The following PHF14 variants were observed in gnomAD, a reference collection of about 807,000 sequenced individuals.
PHF14 encodes the protein PHD finger protein 14.
Under a neutral mutation model 117.9 loss-of-function variants are expected in PHF14, and 55 were observed. That is an observed-to-expected ratio of 0.47 (90% CI 0.38 to 0.58). PHF14 has a LOEUF of 0.58. Ranked by LOEUF, PHF14 falls within the 20% of genes least tolerant of loss-of-function variation. The pLI, the probability that PHF14 is intolerant of heterozygous loss-of-function variation, is 0.00. For synonymous variants in PHF14, 409 were observed against 368.6 expected (o/e 1.11, Z -1.26); for missense variants, 978 against 1,122.2 (o/e 0.87, Z 1.84).
At chr7:11,013,474 T>C (rs1783423189) in intron 4 of PHF14, among the ~76,000 whole-genome samples, 1 of 152,210 alleles carries the variant, frequency 6.6e-6, no homozygotes. Flanking sequence ...ATTTTTATAT[T>C]TTTTAAATTA....
intron 16 of PHF14, among the ~76,000 whole-genome samples, chr7:11,093,602 T>C (rs1786730044): frequency 1.3e-5 from 2 of 152,214 alleles, no homozygotes; most frequent in Non-Finnish European, 2.9e-5. Flanking sequence ...AGAAGCCCCA[T>C]TGCACTGTCT....
At chr7:11,001,980 G>GT (rs934062414) in intron 4 of PHF14, among the ~76,000 whole-genome samples, 5 of 151,372 alleles carry the variant, frequency 3.3e-5, no homozygotes, top group South Asian at 2.1e-4. Context: ...TTAGCTATAG[G>GT]TTTTTTTTGT....
chr7:10,981,177 C>T (rs759355188), intron 2 of PHF14, among the ~76,000 whole-genome samples: 4 of 152,098 alleles, frequency 2.6e-5, no homozygotes, highest in African/African-American at 4.8e-5. Flanking sequence ...TAGTTAATTA[C>T]AGAGGTTAAG....
chr7:11,129,586 A>G (rs548384080), intron 17 of PHF14, among the ~76,000 whole-genome samples: 1 of 147,496 alleles, frequency 6.8e-6, no homozygotes, highest in Admixed American at 6.8e-5. Flanking sequence ...AAAATTTAAG[A>G]GACAGTAAAC....
At chr7:11,005,213 A>G (rs567844145) in intron 4 of PHF14, among the ~76,000 whole-genome samples, 16 of 152,272 alleles carry the variant, frequency 1.1e-4, no homozygotes, top group Admixed American at 2.6e-4. Flanking sequence ...CATCCTTGTC[A>G]AAGTCACTGA....
intron 7 of PHF14, among the ~76,000 whole-genome samples, chr7:11,034,239 C>G (rs1412639815): frequency 1.3e-5 from 2 of 151,914 alleles, no homozygotes; most frequent in Admixed American, 6.6e-5. Context: ...CTTAGAGACA[C>G]TTTTGACATA....
chr7:11,028,870 G>C, intron 7 of PHF14, 52 bp downstream of exon 7: 1 of 1,471,208 alleles, frequency 6.8e-7, no homozygotes, highest in Non-Finnish European at 9.5e-7. Context: ...GATATCTTTT[G>C]ACTCTATGTC....
intron 4 of PHF14, among the ~76,000 whole-genome samples, chr7:11,005,467 A>G (rs2128313987): frequency 6.6e-6 from 1 of 152,334 alleles, no homozygotes; most frequent in South Asian, 2.1e-4. Flanking sequence ...TTGTGTATAC[A>G]CAAACACTTC....
chr7:11,149,812 T>A (rs1788655908), intron 17 of PHF14, among the ~76,000 whole-genome samples: 1 of 149,948 alleles, frequency 6.7e-6, no homozygotes, highest in Admixed American at 6.6e-5. Context: ...TTCAGTTGAT[T>A]TTTTTTTATA....
chr7:11,159,282 A>C (rs990219756), intron 17 of PHF14, among the ~76,000 whole-genome samples: 1 of 152,036 alleles, frequency 6.6e-6, no homozygotes, highest in African/African-American at 2.4e-5. Context: ...GGTGTGATCT[A>C]TAACTATTTT....
chr7:11,122,428 CGTATATATAT>C (rs1562476574), intron 17 of PHF14, among the ~76,000 whole-genome samples: 1 of 118,342 alleles, frequency 8.5e-6, no homozygotes, highest in Non-Finnish European at 1.8e-5. Context: ...TATATATACA[CGTATATATAT>C]ATACGTATAT....
chr7:11,093,863 C>G (rs976812761), intron 16 of PHF14, among the ~76,000 whole-genome samples: 7 of 152,182 alleles, frequency 4.6e-5, no homozygotes, highest in African/African-American at 1.4e-4. Context: ...GGTAGGAGAC[C>G]TTTAAAAGTA....
In PHF14 at chr7:10,983,271, T is replaced by C; in HGVS notation, c.900+112T>C. ...CCTTGAAATCCTATTTATAGACGGC[T>C]GTGGGATGAATGAGCACCCTAACTG... On this transcript the variant is annotated intron_variant, in intron 3 of 17. Coordinates refer to ENST00000634607, the MANE Select transcript of PHF14 (RefSeq NM_001007157.2). The C allele has an allele frequency of 2.4e-6, 3 of 1,229,030 alleles. 1 individual carries two copies. The South Asian group carries it at 4.9e-5, about 20-fold the overall frequency. 76.1% of individuals were successfully genotyped at this position (1,229,030 alleles called of 1,614,324 possible).
At chr7:10,976,632 C>G (rs1274700172) in intron 2 of PHF14, among the ~76,000 whole-genome samples, 1 of 151,944 alleles carries the variant, frequency 6.6e-6, no homozygotes, top group Admixed American at 6.6e-5. Flanking sequence ...GTAAAACAAT[C>G]TGATACAAAC....
intron 17 of PHF14, among the ~76,000 whole-genome samples, chr7:11,136,318 C>A (rs1335901700): frequency 6.6e-6 from 1 of 151,972 alleles, no homozygotes. Flanking sequence ...GAATTTAGAA[C>A]TTTTCATTTT....
chr7:11,071,174 CTT>C, intron 16 of PHF14: 2 of 455,464 alleles, frequency 4.4e-6, no homozygotes, highest in Non-Finnish European at 8.7e-6. Context: ...TTCAATCTCA[CTT>C]TTCTTATTTT....
rs574465567 is a variant in PHF14, at chr7:11,130,759, A to G, written c.2772+19292A>G. On this transcript the variant is annotated intron_variant, in intron 17 of 17. Coordinates refer to ENST00000634607, the MANE Select transcript of PHF14 (RefSeq NM_001007157.2). This position sits in a 1 kb window ranked among gnomAD's most constrained non-coding sequence, Gnocchi z 4.2. Reference sequence around the variant, plus strand: ...GTTTTGACAGTTGTAATAATGACACATGTCCACCATTACAGTGTCATACAG... The same window carrying G: ...GTTTTGACAGTTGTAATAATGACACGTGTCCACCATTACAGTGTCATACAG... 1.1e-4 allele frequency among the ~76,000 whole-genome samples: 17 copies of G among 152,046 alleles called. No individual in the cohort carries two copies. The highest frequency in any genetic ancestry group is 3.9e-4 in the African/African-American group (16 of 41,518).
intron 14 of PHF14, among the ~76,000 whole-genome samples, chr7:11,055,435 C>G (rs939578407): frequency 6.6e-6 from 1 of 152,154 alleles, no homozygotes; most frequent in African/African-American, 2.4e-5. Flanking sequence ...CATGCATCAT[C>G]TACTCTCTTT....
intron 4 of PHF14, chr7:11,006,814 C>A: frequency 1.3e-6 from 1 of 794,980 alleles, no homozygotes; most frequent in African/African-American, 1.7e-5. Context: ...TGAAAGCCTT[C>A]GGTTTGGCTT....
Sources: allele counts gnomAD v4.1 joint callset (sites outside exome capture counted in the v4.1 genomes callset), GRCh38; gene constraint gnomAD v4.1.1; non-coding constraint Gnocchi (gnomAD v3.1); transcripts MANE v1.5; gene names NCBI Gene and HGNC (gene_info 2026-07-23, HGNC 2026-07-21).